Variants in PRKAG2 observed in about 807,000 individuals in gnomAD.
PRKAG2 encodes the protein 5'-AMP-activated protein kinase subunit gamma-2.
Under a neutral mutation model 69.6 loss-of-function variants are expected in PRKAG2, and 26 were observed. The observed-to-expected ratio is 0.37, with a 90% CI of 0.27 to 0.52. The LOEUF is 0.52. Ranked by LOEUF, PRKAG2 falls within the 20% of genes least tolerant of loss-of-function variation. The pLI is 0.90. For synonymous variants in PRKAG2, 293 were observed against 285.0 expected (o/e 1.03, Z -0.28); for missense variants, 557 against 740.0 (o/e 0.75, Z 2.87).
At chr7:151,678,212 C>T (rs1279632659) in intron 3 of PRKAG2, among the ~76,000 whole-genome samples, 3 of 152,198 alleles carry the variant, frequency 2.0e-5, no homozygotes, top group East Asian at 1.9e-4. Context: ...AACTGTTTAA[C>T]GTTCAAACCA....
At chr7:151,702,017 G>A (rs536068267) in intron 3 of PRKAG2, among the ~76,000 whole-genome samples, 25 of 152,198 alleles carry the variant, frequency 1.6e-4, no homozygotes, top group African/African-American at 5.8e-4. Context: ...GAAGCCACCC[G>A]GTGTGTGGTG....
intron 6 of PRKAG2, among the ~76,000 whole-genome samples, chr7:151,589,026 C>T (rs1812390495): frequency 6.6e-6 from 1 of 152,162 alleles, no homozygotes; most frequent in Admixed American, 6.5e-5. Flanking sequence ...TTTGCAGACC[C>T]TGTTTCGGTG....
At position 151,845,964 on chromosome 7, in the gene PRKAG2, G is replaced by A. The variant is rs370545052; in HGVS notation, c.114+30543C>T. On this transcript the variant is annotated intron_variant, in intron 1 of 15. Transcript: ENST00000287878. ...CACAGACGGGTGCTGTCCTCAGATC[G>A]GGGGCTAGCAGGGTCTGGAGGAGCC... 5.3e-5 allele frequency among the ~76,000 whole-genome samples: 8 copies of A among 152,178 alleles called. No homozygotes were observed. In the South Asian group the frequency reaches 8.3e-4, roughly 16 times the overall value.
At chr7:151,851,514 G>C (rs566816482) in intron 1 of PRKAG2, among the ~76,000 whole-genome samples, 2 of 152,326 alleles carry the variant, frequency 1.3e-5, no homozygotes, top group South Asian at 2.1e-4. Flanking sequence ...GGCCAGTGTG[G>C]GCAAGCAGCT....
In PRKAG2 at chr7:151,699,964, G is replaced by A. The variant is rs1004288701; in HGVS notation, c.467-24327C>T. ...TGGGTGCCCCCACATTGCAGAAACA[G>A]CCTCAACAGGAGCCTTGTGTACCTG... On this transcript the variant is annotated intron_variant, in intron 3 of 15. Transcript: ENST00000287878. The surrounding 1 kb of genome is among the most constrained non-coding windows in gnomAD (Gnocchi z 4.5). Among the ~76,000 whole-genome samples, 3 of 152,198 alleles carry A rather than the reference G, an allele frequency of 2.0e-5. No individual in the cohort carries two copies. The highest frequency in any genetic ancestry group is 7.2e-5 in the African/African-American group (3 of 41,448).
rs945933911 is a variant in PRKAG2, at chr7:151,719,344, C to G, written c.467-43707G>C. ...GAAGGAGGTAGTCACAGAGACCCAC[C>G]GCTCAGGCCTCCTGCTGGGGGAGCT... On this transcript the variant is annotated intron_variant, in intron 3 of 15. Coordinates refer to ENST00000287878, the MANE Select transcript of PRKAG2 (RefSeq NM_016203.4). The surrounding 1 kb of genome is among the most constrained non-coding windows in gnomAD (Gnocchi z 5.2). Among the ~76,000 whole-genome samples the G allele has an allele frequency of 1.3e-5, 2 of 152,076 alleles. No homozygotes were observed. The highest frequency in any genetic ancestry group is 2.9e-5 in the Non-Finnish European group (2 of 68,006).
chr7:151,695,170 A>T (rs1281974180), intron 3 of PRKAG2, among the ~76,000 whole-genome samples: 1 of 152,254 alleles, frequency 6.6e-6, no homozygotes, highest in Non-Finnish European at 1.5e-5. Flanking sequence ...CTCTGGGCAC[A>T]GAGCCTGCAG....
intron 14 of PRKAG2, among the ~76,000 whole-genome samples, 189 bp from the exon 15 acceptor site, chr7:151,560,806 C>T (rs1343131147): frequency 6.6e-6 from 1 of 152,028 alleles, no homozygotes; most frequent in African/African-American, 2.4e-5. Flanking sequence ...ACCTGTGGTC[C>T]CAGTTACTTG....
intron 5 of PRKAG2, among the ~76,000 whole-genome samples, chr7:151,599,089 T>C (rs1409203062): frequency 6.6e-6 from 1 of 152,106 alleles, no homozygotes; most frequent in East Asian, 1.9e-4. Context: ...TGACCTCAGG[T>C]GATCTTGCAT....
At chr7:151,786,448 A>G (rs1403379614) in intron 2 of PRKAG2, 22 bp downstream of exon 2, 2 of 1,598,238 alleles carry the variant, frequency 1.3e-6, no homozygotes, top group Admixed American at 3.4e-5. Flanking sequence ...GCTGTGAGAA[A>G]CTTCTGGAAA....
intron 3 of PRKAG2, among the ~76,000 whole-genome samples, chr7:151,691,590 C>A (rs960473770): frequency 6.6e-6 from 1 of 151,970 alleles, no homozygotes. Context: ...ATCTTTAGGG[C>A]TATATACATT....
In PRKAG2 at chr7:151,876,899, G is replaced by C. The variant is rs1269070906; in HGVS notation, c.-279C>G. On this transcript the variant is annotated 5_prime_UTR_variant, in exon 1 of 16. Transcript: ENST00000287878. Reference sequence around the variant, plus strand: ...GTCTCCCCGGGTTACTCGTGGCTGAGGTCTCCCGCTGGGTGACAAAGTTTT... The same window carrying C: ...GTCTCCCCGGGTTACTCGTGGCTGACGTCTCCCGCTGGGTGACAAAGTTTT... 2 of 537,106 alleles carry C rather than the reference G, an allele frequency of 3.7e-6. No individual in the cohort carries two copies. Among genetic ancestry groups the C allele is most frequent in the Admixed American group, 3.1e-5 (1 of 31,822 alleles). The allele number at this position is 537,106 out of a possible 1,614,324, so 33.3% of individuals were successfully genotyped here.
At chr7:151,627,173 C>T (rs1371877540) in intron 5 of PRKAG2, among the ~76,000 whole-genome samples, 3 of 152,176 alleles carry the variant, frequency 2.0e-5, no homozygotes, top group African/African-American at 7.2e-5. Context: ...AGAGGCCTCA[C>T]GGGTTGTCCA....
At chr7:151,770,427 AC>A (rs1365090741) in intron 3 of PRKAG2, among the ~76,000 whole-genome samples, 1 of 152,126 alleles carries the variant, frequency 6.6e-6, no homozygotes, top group Non-Finnish European at 1.5e-5. Context: ...TCCTCCTATA[AC>A]CTGTTGAATA....
intron 5 of PRKAG2, among the ~76,000 whole-genome samples, chr7:151,621,102 T>C (rs754866775): frequency 6.6e-5 from 10 of 152,378 alleles, no homozygotes; most frequent in East Asian, 1.9e-4. Context: ...TAATCCTGCA[T>C]AGCTAGTGTT....
chr7:151,848,009 G>C (rs1480949640), intron 1 of PRKAG2, among the ~76,000 whole-genome samples: 1 of 152,230 alleles, frequency 6.6e-6, no homozygotes, highest in Non-Finnish European at 1.5e-5. Flanking sequence ...AGTTGCTAAA[G>C]AGTGCCCGTG....
In PRKAG2 at chr7:151,807,613, C is replaced by G; in HGVS notation, c.115-21072G>C. 1 of 457,786 alleles carries G rather than the reference C, an allele frequency of 2.2e-6. No individual in the cohort carries two copies. The highest frequency in any genetic ancestry group is 4.4e-6 in the Non-Finnish European group (1 of 226,950). 28.4% of individuals were successfully genotyped at this position (457,786 alleles called of 1,614,324 possible). A position where few individuals can be genotyped will look rare whatever the true frequency, so the allele number is the denominator to read the frequency against. ...GTAGGAAGAATGATTCGTTTGCCAC[C>G]AAAAGCCCAGTTTCTCCAACAGGTA... On this transcript the variant is annotated intron_variant, in intron 1 of 15. Coordinates refer to ENST00000287878, the MANE Select transcript of PRKAG2 (RefSeq NM_016203.4). This position sits in a 1 kb window ranked among gnomAD's most constrained non-coding sequence, Gnocchi z 4.4.
intron 3 of PRKAG2, among the ~76,000 whole-genome samples, chr7:151,770,182 C>T (rs761531332): frequency 6.6e-6 from 1 of 152,210 alleles, no homozygotes; most frequent in Non-Finnish European, 1.5e-5. Flanking sequence ...AGGTTCGACA[C>T]AACCGACCAG....
chr7:151,641,243 CCTTTTTT>C (rs1826620084), intron 4 of PRKAG2, among the ~76,000 whole-genome samples: 1 of 119,416 alleles, frequency 8.4e-6, no homozygotes, highest in African/African-American at 3.3e-5. Flanking sequence ...CTTCTTTTTT[CCTTTTTT>C]TTTTTTTTTT....
Sources: gnomAD v4.1 joint callset for allele counts (sites outside exome capture counted in the v4.1 genomes callset) on GRCh38, gnomAD v4.1.1 for gene constraint, Gnocchi (gnomAD v3.1) non-coding constraint, MANE v1.5 for transcripts, NCBI Gene and HGNC (gene_info 2026-07-23, HGNC 2026-07-21) for gene names.